Variants in FAF1 observed in about 807,000 individuals in gnomAD.
FAF1 encodes Fas associated factor 1, also known as FAS-associated factor 1.
FAF1 carries 25 observed loss-of-function variants against 92.5 expected under a neutral mutation model. The observed-to-expected ratio is 0.27, with a 90% confidence interval of 0.20 to 0.38. FAF1 has a LOEUF of 0.38. FAF1 is among the 10% of genes least tolerant of loss of function. The pLI is 1.00. For missense variants in FAF1, 636 were observed against 793.3 expected, an observed-to-expected ratio of 0.80 and a Z score of 2.38; for synonymous variants, 234 against 273.2, an observed-to-expected ratio of 0.86 and a Z score of 1.42.
chr1:50,704,982 A>G (rs1003014513), intron 7 of FAF1, among the ~76,000 whole-genome samples: 2 of 152,256 alleles, frequency 1.3e-5, no homozygotes, highest in African/African-American at 4.8e-5. Flanking sequence ...AAAACATTAT[A>G]AAATAATCCA....
intron 1 of FAF1, among the ~76,000 whole-genome samples, chr1:50,900,140 A>C (rs1008063614): frequency 3.2e-4 from 49 of 152,308 alleles, no homozygotes; most frequent in African/African-American, 1.1e-3. Flanking sequence ...CAAGTAAGCT[A>C]GGAAACTGTA....
At chr1:50,694,592 C>T (rs1458783493) in intron 7 of FAF1, among the ~76,000 whole-genome samples, 1 of 149,642 alleles carries the variant, frequency 6.7e-6, no homozygotes, top group Non-Finnish European at 1.5e-5. Flanking sequence ...CAAACCAAAA[C>T]TTTATTAAGT....
intron 8 of FAF1, among the ~76,000 whole-genome samples, chr1:50,614,761 C>T (rs1652830538): frequency 1.3e-5 from 2 of 151,102 alleles, no homozygotes; most frequent in South Asian, 4.2e-4. Context: ...ATCACTTAAA[C>T]CTGGGAGGCA....
At chr1:50,654,566 T>C (rs2124291965) in intron 8 of FAF1, among the ~76,000 whole-genome samples, 1 of 152,222 alleles carries the variant, frequency 6.6e-6, no homozygotes, top group South Asian at 2.1e-4. Flanking sequence ...ATAATAAGGG[T>C]AAAAATGACA....
At chr1:50,648,298 G>T (rs1654690831) in intron 8 of FAF1, among the ~76,000 whole-genome samples, 1 of 151,912 alleles carries the variant, frequency 6.6e-6, no homozygotes, top group African/African-American at 2.4e-5. Context: ...AAACAAAAAG[G>T]TCTTCAAGGA....
intron 7 of FAF1, among the ~76,000 whole-genome samples, chr1:50,679,272 T>C (rs997524539): frequency 2.0e-5 from 3 of 151,456 alleles, no homozygotes; most frequent in African/African-American, 7.3e-5. Flanking sequence ...CTGCTCTGCC[T>C]ATGGAGTAAC....
intron 15 of FAF1, among the ~76,000 whole-genome samples, chr1:50,492,919 T>C (rs1646856203): frequency 6.6e-6 from 1 of 152,148 alleles, no homozygotes; most frequent in African/African-American, 2.4e-5. Context: ...AAATAAAAAT[T>C]AGAAAGAATT....
chr1:50,581,433 T>C (rs1650982887), intron 12 of FAF1, among the ~76,000 whole-genome samples: 1 of 152,206 alleles, frequency 6.6e-6, no homozygotes, highest in Non-Finnish European at 1.5e-5. Flanking sequence ...CCAACAGCTT[T>C]CCCCTCTACT....
intron 7 of FAF1, among the ~76,000 whole-genome samples, chr1:50,657,472 A>G (rs1463866681): frequency 4.4e-4 from 67 of 152,042 alleles, no homozygotes; most frequent in Non-Finnish European, 1.5e-5. Flanking sequence ...CAAGCTGGGA[A>G]GATCAGTTGA....
chr1:50,543,873 G>A (rs12760951), intron 13 of FAF1, among the ~76,000 whole-genome samples: 8,408 of 152,008 alleles, frequency 0.055, 338 homozygotes, highest in Non-Finnish European at 0.086. Flanking sequence ...TTTACAACTG[G>A]ATACAAAACT....
At chr1:50,682,555 C>T (rs1282375459) in intron 7 of FAF1, among the ~76,000 whole-genome samples, 1 of 151,948 alleles carries the variant, frequency 6.6e-6, no homozygotes, top group Non-Finnish European at 1.5e-5. Flanking sequence ...AATATTAAAC[C>T]TATTGTTTAA....
rs1293435693 is a variant in FAF1, at chr1:50,460,237, G to A, written c.1869+15227C>T. On this transcript the variant is annotated intron_variant, in intron 18 of 18. Coordinates refer to ENST00000396153, the MANE Select transcript of FAF1 (RefSeq NM_007051.3). ...TGCAATTCCCCAAACATATCATACT[G>A]ATTTATATTTCTATGATTTTGTTCA... 3.9e-5 allele frequency among the ~76,000 whole-genome samples: 6 copies of A among 152,096 alleles called. No individual in the cohort carries two copies. In the East Asian group the frequency reaches 9.6e-4, roughly 24 times the overall value.
At chr1:50,608,309 T>C (rs1426969891) in intron 8 of FAF1, among the ~76,000 whole-genome samples, 4 of 152,164 alleles carry the variant, frequency 2.6e-5, no homozygotes, top group African/African-American at 9.7e-5. Flanking sequence ...TTTTAGCTAG[T>C]CCTCAATTTG....
chr1:50,580,656 C>T (rs1347494524), intron 12 of FAF1, among the ~76,000 whole-genome samples: 1 of 152,028 alleles, frequency 6.6e-6, no homozygotes, highest in Non-Finnish European at 1.5e-5. Flanking sequence ...TATAACATGA[C>T]TAAATTTTAT....
chr1:50,544,055 A>T (rs1480786698), intron 13 of FAF1, among the ~76,000 whole-genome samples: 1 of 152,182 alleles, frequency 6.6e-6, no homozygotes, highest in African/African-American at 2.4e-5. Flanking sequence ...CAAGAGGGAG[A>T]ACCCACTACC....
At chr1:50,948,266 C>T (rs1645186045) in intron 1 of FAF1, among the ~76,000 whole-genome samples, 2 of 152,176 alleles carry the variant, frequency 1.3e-5, no homozygotes, top group Admixed American at 1.3e-4. Flanking sequence ...TTAGTCCATT[C>T]TTGTGTTGCT....
chr1:50,706,760 T>A (rs1657690779), intron 6 of FAF1, among the ~76,000 whole-genome samples: 1 of 152,216 alleles, frequency 6.6e-6, no homozygotes, highest in Non-Finnish European at 1.5e-5. Context: ...TATGCCTGAA[T>A]AATTTCTACT....
At chr1:50,606,156 T>C (rs1289078923) in intron 8 of FAF1, among the ~76,000 whole-genome samples, 2 of 152,176 alleles carry the variant, frequency 1.3e-5, no homozygotes, top group East Asian at 3.8e-4. Context: ...CATATAGGTG[T>C]TTTCAGTTGC....
At chr1:50,451,134 C>T (rs1420084780) in intron 18 of FAF1, among the ~76,000 whole-genome samples, 4 of 152,036 alleles carry the variant, frequency 2.6e-5, no homozygotes, top group Non-Finnish European at 5.9e-5. Flanking sequence ...TCTGTGGCTG[C>T]AAAGCATAGG....
Sources: allele counts gnomAD v4.1 joint callset (sites outside exome capture counted in the v4.1 genomes callset), GRCh38; gene constraint gnomAD v4.1.1; transcripts MANE v1.5; gene names NCBI Gene and HGNC (gene_info 2026-07-23, HGNC 2026-07-21).